The following ZNF709 variants were observed in gnomAD, a reference collection of about 807,000 sequenced individuals.
ZNF709 encodes the protein zinc finger protein 709.
In ZNF709, 15 loss-of-function variants were observed where a neutral mutation model predicts 10.6. That is an observed-to-expected ratio of 1.41 (90% CI 0.95 to 2.18). ZNF709 has a LOEUF of 2.18. Ranked by LOEUF, ZNF709 falls within the 30% of genes most tolerant of loss-of-function variation. ZNF709 has a pLI of 0.00. For missense variants in ZNF709, 589 were observed against 774.0 expected, an observed-to-expected ratio of 0.76 and a Z score of 2.84; for synonymous variants, 194 against 238.8, an observed-to-expected ratio of 0.81 and a Z score of 1.73.
At chr19:12,477,880 A>C (rs1380647490) in intron 1 of ZNF709, among the ~76,000 whole-genome samples, 1 of 151,490 alleles carries the variant, frequency 6.6e-6, no homozygotes, top group Non-Finnish European at 1.5e-5. Flanking sequence ...TCTACAGGGG[A>C]GGGGTGTTCT....
At position 12,465,092 on chromosome 19, in the gene ZNF709, T is replaced by C. The variant is rs1319173487; in HGVS notation, c.830A>G (p.Glu277Gly). 3 of 1,612,774 alleles carry C rather than the reference T, an allele frequency of 1.9e-6. No individual in the cohort carries two copies. The highest frequency in any genetic ancestry group is 2.5e-6 in the Non-Finnish European group (3 of 1,179,650). The part of the protein sequence containing the change: ...FQIHERTHTG[E>G]KPYQCKQCGK... The stretch of plus-strand genomic sequence containing the variant: ...ACATTGCTTACACTGATAGGGTTTT[T>C]CCCCAGTGTGAGTCCTTTCATGTAT... Residue 277 changes from glutamate (E) to glycine (G), a missense_variant, in exon 4 of 4, where the codon GAA becomes GGA. Glu to Gly is a moderately conservative substitution (Grantham distance 98, BLOSUM62 -2). Transcript: ENST00000397732.
At position 12,465,618 on chromosome 19, in the gene ZNF709, A is replaced by C; in HGVS notation, c.304T>G (p.Tyr102Asp). The C allele has an allele frequency of 1.2e-6, 2 of 1,613,802 alleles. No homozygotes were observed. The highest frequency in any genetic ancestry group is 1.7e-6 in the Non-Finnish European group (2 of 1,179,974). Residue 102 changes from tyrosine (Y) to aspartate (D), a missense_variant, in exon 4 of 4, where the codon TAT becomes GAT. Physicochemically the swap from Tyr to Asp is radical, Grantham distance 160 (BLOSUM62 -3). Transcript: ENST00000397732. ...NKKTFTRVKP[Y>D]ECSVCGKDYM... ...TCCTTTCCACACACACTACATTCAT[A>C]TGGTTTTACTCTAGTAAAAGTTTTC...
At chr19:12,468,096 G>C (rs1341482740) in intron 1 of ZNF709, among the ~76,000 whole-genome samples, 1 of 151,154 alleles carries the variant, frequency 6.6e-6, no homozygotes, top group Non-Finnish European at 1.5e-5. Context: ...CGCCCGGCCA[G>C]CCGCCCAGTC....
At chr19:12,468,087 G>C (rs554625302) in intron 1 of ZNF709, among the ~76,000 whole-genome samples, 12 of 148,440 alleles carry the variant, frequency 8.1e-5, no homozygotes, top group Non-Finnish European at 7.4e-5. Context: ...GTCAGCCCCC[G>C]CCCGGCCAGC....
intron 1 of ZNF709, among the ~76,000 whole-genome samples, chr19:12,467,926 G>A (rs1970593875): frequency 6.6e-6 from 1 of 151,934 alleles, no homozygotes; most frequent in Non-Finnish European, 1.5e-5. Flanking sequence ...CCATCCGGGA[G>A]GGAGGTGGGG....
At chr19:12,480,338 A>C (rs1431018402) in intron 1 of ZNF709, among the ~76,000 whole-genome samples, 1 of 152,098 alleles carries the variant, frequency 6.6e-6, no homozygotes, top group African/African-American at 2.4e-5. Flanking sequence ...TATCTTAAGT[A>C]TGTTAGGATT....
At chr19:12,465,834 T>C (rs954402538) in intron 3 of ZNF709, 101 bp from the exon 4 acceptor site, 11 of 1,007,048 alleles carry the variant, frequency 1.1e-5, no homozygotes, top group Middle Eastern at 3.3e-4. Flanking sequence ...GGTAGTAGAA[T>C]TACACTTTTG....
Position 12,484,762 on chromosome 19 carries a change from T to TCTCCTCACCCCA in ZNF709, c.-106_-105insTGGGGTGAGGAG. The stretch of plus-strand genomic sequence containing the variant: ...TCCTCCACCTGAGGGCCTTCTGGGG[T>TCTCCTCACCCCA]GAGGAGACCCCAGAGCGGAGCGCAG... On this transcript the variant is annotated 5_prime_UTR_variant, in exon 1 of 4. Coordinates refer to ENST00000397732, the MANE Select transcript of ZNF709 (RefSeq NM_152601.4). 1.3e-6 allele frequency: 2 copies of TCTCCTCACCCCA among 1,514,500 alleles called. No individual in the cohort carries two copies. Among genetic ancestry groups the TCTCCTCACCCCA allele is most frequent in the Non-Finnish European group, 1.8e-6 (2 of 1,092,878 alleles). 93.8% of individuals were successfully genotyped at this position (1,514,500 alleles called of 1,614,324 possible). A position where few individuals can be genotyped will look rare whatever the true frequency, so the allele number is the denominator to read the frequency against.
chr19:12,468,690 TAAA>T (rs1039961850), intron 1 of ZNF709, among the ~76,000 whole-genome samples: 1 of 82,344 alleles, frequency 1.2e-5, no homozygotes. Flanking sequence ...GAATGATCAA[TAAA>T]AAAAAAAAAA....
intron 1 of ZNF709, among the ~76,000 whole-genome samples, chr19:12,477,081 G>A (rs1048322815): frequency 3.3e-5 from 5 of 152,142 alleles, no homozygotes; most frequent in African/African-American, 9.7e-5. Context: ...GAGATCAGCT[G>A]GATGGTGTCA....
At chr19:12,467,789 C>A (rs1421493672) in intron 1 of ZNF709, among the ~76,000 whole-genome samples, 2 of 150,610 alleles carry the variant, frequency 1.3e-5, no homozygotes, top group African/African-American at 4.9e-5. Flanking sequence ...TCTGCCCGGC[C>A]GCGACCCCGT....
At position 12,464,832 on chromosome 19, in the gene ZNF709, A is replaced by G. The variant is rs1181896497; in HGVS notation, c.1090T>C (p.Tyr364His). ...GCTTTCCCACATTCCTTGCATTTAT[A>G]AGGTCCATTTCCAGTGTGCATTATC... ...HMIMHTGNGP[Y>H]KCKECGKAFD... is the part of the protein sequence containing the mutation. The change falls in exon 4 of 4, where the codon TAT becomes CAT. Residue 364 changes from tyrosine to histidine, a missense_variant. Tyr to His is a moderately conservative substitution (Grantham distance 83). Transcript: ENST00000397732. 3.1e-6 allele frequency: 5 copies of G among 1,613,662 alleles called. No homozygotes were observed. Among genetic ancestry groups the G allele is most frequent in the Non-Finnish European group, 4.2e-6 (5 of 1,179,828 alleles).
intron 1 of ZNF709, among the ~76,000 whole-genome samples, chr19:12,483,365 G>A (rs541972484): frequency 8.0e-4 from 117 of 146,318 alleles, no homozygotes; most frequent in African/African-American, 2.8e-3. Flanking sequence ...TGTCACCTAG[G>A]CTGGTCTTGA....
rs557423922 is a variant in ZNF709 at position 12,477,223 on chromosome 19, G to A, written c.3+7432C>T. Among the ~76,000 whole-genome samples the A allele has an allele frequency of 5.3e-5, 8 of 152,252 alleles. 1 individual carries two copies. The highest frequency in any genetic ancestry group is 3.9e-4 in the Admixed American group (6 of 15,298). On this transcript the variant is annotated intron_variant, in intron 1 of 3. Coordinates refer to ENST00000397732, the MANE Select transcript of ZNF709 (RefSeq NM_152601.4). ...AAAGGCCAAACTGTACTTTTAAAACGAGAAGCACGGGGAATAATCACTTCC... is the reference window on the plus strand; with the variant it reads ...AAAGGCCAAACTGTACTTTTAAAACAAGAAGCACGGGGAATAATCACTTCC...
intron 1 of ZNF709, among the ~76,000 whole-genome samples, chr19:12,483,082 A>C (rs1970742113): frequency 6.6e-6 from 1 of 152,176 alleles, no homozygotes; most frequent in Admixed American, 6.5e-5. Context: ...CATTCTCAGA[A>C]GAAAAAAAGA....
chr19:12,480,665 A>G lies in ZNF709; in HGVS notation c.3+3990T>C, dbSNP rs201964104. 2.5e-4 allele frequency among the ~76,000 whole-genome samples: 38 copies of G among 149,866 alleles called. No individual in the cohort carries two copies. In the East Asian group the frequency reaches 3.3e-3, roughly 13 times the overall value. On this transcript the variant is annotated intron_variant, in intron 1 of 3. Coordinates refer to ENST00000397732, the MANE Select transcript of ZNF709 (RefSeq NM_152601.4). ...GCCACTGCACTCTAGCCTGGGCGAC[A>G]GAGCAAGACTCCGTCTCAAAAAAAA...
chr19:12,484,593 A>T lies in ZNF709; in HGVS notation c.3+62T>A. On this transcript the variant is annotated intron_variant, in intron 1 of 3. Coordinates refer to ENST00000397732, the MANE Select transcript of ZNF709 (RefSeq NM_152601.4). ...GAGGCCTGGGTCCCACCACAGCCAG[A>T]TCCGGCCGGTTTCAACCCGCCCCTC... is the stretch of plus-strand genomic sequence containing the variant. 4 of 1,600,142 alleles carry T rather than the reference A, an allele frequency of 2.5e-6. No homozygotes were observed. In the East Asian group the frequency reaches 6.7e-5, roughly 27 times the overall value.
intron 1 of ZNF709, chr19:12,481,167 A>T: frequency 1.0e-6 from 1 of 984,644 alleles, no homozygotes; most frequent in Non-Finnish European, 1.2e-6. Flanking sequence ...ATGTAAATAC[A>T]TTCATCTCTT....
At chr19:12,473,703 T>A (rs578097113) in intron 1 of ZNF709, among the ~76,000 whole-genome samples, 1 of 152,314 alleles carries the variant, frequency 6.6e-6, no homozygotes, top group Admixed American at 6.5e-5. Context: ...ATTATTACTA[T>A]TTGTGTGTCT....
Sources: allele counts gnomAD v4.1 joint callset (sites outside exome capture counted in the v4.1 genomes callset), GRCh38; gene constraint gnomAD v4.1.1; transcripts MANE v1.5; gene names NCBI Gene and HGNC (gene_info 2026-07-23, HGNC 2026-07-21).